DNAH8: variants seen among roughly 807,000 people sequenced by gnomAD.
DNAH8 encodes axonemal beta dynein heavy chain 8.
DNAH8 carries 382 observed loss-of-function variants against 562.1 expected under a neutral mutation model. The observed-to-expected ratio is 0.68, with a 90% CI of 0.63 to 0.74. The LOEUF (loss-of-function observed/expected upper bound fraction) is 0.74, where lower values mean the gene tolerates loss of function less well. Ranked by LOEUF, DNAH8 falls within the 30% of genes least tolerant of loss-of-function variation. DNAH8 has a pLI of 0.00. For missense variants in DNAH8, 5,203 were observed against 5,620.4 expected (o/e 0.93, Z 2.37); for synonymous variants, 1,881 against 1,919.4 (o/e 0.98, Z 0.52).
chr6:38,867,965 A>G (rs1267370920), intron 47 of DNAH8, 97 bp from the exon 48 acceptor site: 16 of 1,249,082 alleles, frequency 1.3e-5, no homozygotes, highest in South Asian at 7.8e-5. Context: ...ACTATCCCAT[A>G]TAAGTATCAG....
Position 38,890,690 on chromosome 6 carries a change from T to C in DNAH8, c.8512T>C (p.Phe2838Leu). Residue 2838 changes from phenylalanine to leucine, a missense_variant, in exon 58 of 93, where the codon TTC becomes CTC. This residue lies in a region of DNAH8 where 977 missense variants were observed against 1,061.8 expected (regional missense o/e 0.92). Coordinates refer to ENST00000327475, the MANE Select transcript of DNAH8 (RefSeq NM_001206927.2). ...GCGYFDPCRS[F>L]KPQICEMIVN... ...TGGATACTTTGATCCTTGTAGAAGT[T>C]TCAAGCCTCAAATATGTGAGATGAT... 1 of 1,613,868 alleles carries C rather than the reference T, an allele frequency of 6.2e-7. No homozygotes were observed. The highest frequency in any genetic ancestry group is 8.5e-7 in the Non-Finnish European group (1 of 1,179,766).
intron 91 of DNAH8, among the ~76,000 whole-genome samples, chr6:39,020,310 C>G (rs564738223): frequency 6.6e-6 from 1 of 152,134 alleles, no homozygotes; most frequent in Non-Finnish European, 1.5e-5. Context: ...TCCCACTTGT[C>G]AAACTTGTTC....
At chr6:39,014,201 G>A (rs114389514) in intron 91 of DNAH8, among the ~76,000 whole-genome samples, 232 of 152,098 alleles carry the variant, frequency 1.5e-3, no homozygotes, top group African/African-American at 5.2e-3. Context: ...TATAAAGTCC[G>A]TAGCCTTTAG....
At position 38,834,652 on chromosome 6, in the gene DNAH8, A is replaced by G; in HGVS notation, c.4365+11A>G. On this transcript the variant is annotated intron_variant, in intron 32 of 92. Transcript: ENST00000327475. ...CTACAGATATTTCAGGTGAAACCAC[A>G]TTTTTTTTGTTACATCGACAATGTG... is the stretch of plus-strand genomic sequence containing the variant. The G allele has an allele frequency of 1.3e-6, 2 of 1,595,436 alleles. No homozygotes were observed. The highest frequency in any genetic ancestry group is 8.5e-7 in the Non-Finnish European group (1 of 1,169,838).
intron 72 of DNAH8, chr6:38,923,660 GAA>G (rs986736928): frequency 8.4e-6 from 2 of 238,840 alleles, no homozygotes; most frequent in Non-Finnish European, 1.6e-5. Flanking sequence ...GGAGGGGAAA[GAA>G]AAAATGGTTT....
In DNAH8 at chr6:38,915,351, C is replaced by A; in HGVS notation, c.10114C>A (p.Leu3372Met). 1 of 1,599,224 alleles carries A rather than the reference C, an allele frequency of 6.3e-7. No individual in the cohort carries two copies. Among genetic ancestry groups the A allele is most frequent in the Non-Finnish European group, 8.5e-7 (1 of 1,175,006 alleles). ...ESKLEAAKPA[L>M]EEAEAALNTI... The stretch of plus-strand genomic sequence containing the variant: ...CAAGCTTGAGGCAGCTAAACCTGCA[C>A]TGGAAGAAGCAGAAGCAGCCCTGAA... Residue 3372 changes from leucine (L) to methionine (M), a missense_variant, in exon 68 of 93, where the codon CTG becomes ATG. Around this residue, in one of 6 missense-constraint regions of DNAH8, gnomAD observed 87 missense variants for 144.9 expected, o/e 0.60. Transcript: ENST00000327475.
intron 36 of DNAH8, 149 bp from the exon 37 acceptor site, chr6:38,848,499 A>G (rs1775474867): frequency 5.0e-6 from 3 of 605,068 alleles, no homozygotes; most frequent in Non-Finnish European, 8.6e-6. Context: ...AACAGTTTTT[A>G]TTAGCTGTAT....
At chr6:38,884,338 G>A (rs925608360) in intron 56 of DNAH8, among the ~76,000 whole-genome samples, 18 of 152,044 alleles carry the variant, frequency 1.2e-4, no homozygotes, top group African/African-American at 4.3e-4. Flanking sequence ...TCTCACCCAA[G>A]CTCGAGTGCA....
chr6:38,897,697 A>G (rs995283716), intron 60 of DNAH8, among the ~76,000 whole-genome samples: 2 of 152,130 alleles, frequency 1.3e-5, no homozygotes, highest in African/African-American at 4.8e-5. Context: ...AGGAGGAGCC[A>G]TAGAGCCAAG....
chr6:38,914,075 GT>G, intron 67 of DNAH8, 123 bp downstream of exon 67: 1 of 681,644 alleles, frequency 1.5e-6, no homozygotes, highest in East Asian at 2.8e-5. Context: ...ATAAGATAGT[GT>G]TCACAAAGAC....
In DNAH8 at chr6:38,750,491, G is replaced by A. The variant is rs1765346341; in HGVS notation, c.1309G>A (p.Asp437Asn). The A allele has an allele frequency of 6.2e-7, 1 of 1,608,888 alleles. No individual in the cohort carries two copies. Among genetic ancestry groups the A allele is most frequent in the Non-Finnish European group, 8.5e-7 (1 of 1,177,268 alleles). Residue 437 changes from aspartate (D) to asparagine (N), a missense_variant, in exon 9 of 93, where the codon GAT becomes AAT. This residue lies in a region of DNAH8 where 2,176 missense variants were observed against 2,365.1 expected (regional missense o/e 0.92). Transcript: ENST00000327475. ...SKLLKNWRDL[D>N]ARITDTANES... Reference sequence around the variant, plus strand: ...TTTTTCTTAGAATTGGCGTGATTTGGATGCAAGAATCACTGATACAGCAAA... The same window carrying A: ...TTTTTCTTAGAATTGGCGTGATTTGAATGCAAGAATCACTGATACAGCAAA...
chr6:38,813,082 C>T (rs1415872805), intron 24 of DNAH8, among the ~76,000 whole-genome samples: 2 of 152,174 alleles, frequency 1.3e-5, no homozygotes, highest in Non-Finnish European at 2.9e-5. Context: ...ATACCTTCAG[C>T]TGATTCTCTA....
At chr6:38,938,342 A>G in intron 78 of DNAH8, 116 bp downstream of exon 78, 1 of 1,204,968 alleles carries the variant, frequency 8.3e-7, no homozygotes, top group Non-Finnish European at 1.2e-6. Flanking sequence ...AATCAACCTA[A>G]ATGCCCATCA....
intron 82 of DNAH8, among the ~76,000 whole-genome samples, chr6:38,968,915 A>T (rs1763153824): frequency 6.6e-6 from 1 of 152,222 alleles, no homozygotes; most frequent in Non-Finnish European, 1.5e-5. Context: ...AGATAAAGAA[A>T]TGTGGTATAT....
At chr6:38,918,991 TAAA>T (rs1421678663) in intron 70 of DNAH8, among the ~76,000 whole-genome samples, 1 of 151,334 alleles carries the variant, frequency 6.6e-6, no homozygotes, top group African/African-American at 2.4e-5. Context: ...CAATTTAAAA[TAAA>T]AAGTTTTAAC....
intron 2 of DNAH8, 28 bp from the exon 3 acceptor site, chr6:38,723,309 A>G (rs769706969): frequency 6.3e-7 from 1 of 1,582,960 alleles, no homozygotes. Flanking sequence ...CAGAATTGCA[A>G]TTTTTGAACT....
chr6:38,978,105 T>G (rs1309489174), intron 85 of DNAH8, among the ~76,000 whole-genome samples: 1 of 151,114 alleles, frequency 6.6e-6, no homozygotes, highest in Non-Finnish European at 1.5e-5. Context: ...ACTGCGTATT[T>G]CTTTATGACT....
intron 22 of DNAH8, among the ~76,000 whole-genome samples, chr6:38,805,071 A>G (rs912938423): frequency 1.7e-4 from 26 of 152,220 alleles, no homozygotes; most frequent in African/African-American, 5.3e-4. Context: ...GCCTAGAATG[A>G]GTATGCACAT....
intron 59 of DNAH8, among the ~76,000 whole-genome samples, chr6:38,895,319 A>G (rs1334703101): frequency 1.3e-5 from 2 of 152,142 alleles, no homozygotes; most frequent in Non-Finnish European, 2.9e-5. Flanking sequence ...TGAAGCATTG[A>G]TGGCATCTCT....
Sources: gnomAD v4.1 joint callset for allele counts (sites outside exome capture counted in the v4.1 genomes callset) on GRCh38, gnomAD v4.1.1 for gene constraint, gnomAD v4.1.1 regional missense constraint, MANE v1.5 for transcripts, NCBI Gene and HGNC (gene_info 2026-07-23, HGNC 2026-07-21) for gene names.